Variants in NASP observed in about 807,000 individuals in gnomAD.
NASP encodes nuclear autoantigenic sperm protein.
A neutral mutation model predicts 89.5 loss-of-function variants in NASP; 24 were observed. The ratio of observed to expected loss-of-function variants is 0.27; its 90% CI spans 0.19 to 0.38. NASP has a LOEUF of 0.38. NASP is among the 10% of genes least tolerant of loss of function. The probability of loss-of-function intolerance (pLI) is 1.00; values close to 1 mark genes in which losing one functional copy is unlikely to be tolerated. For missense variants in NASP, 848 were observed against 921.4 expected, an observed-to-expected ratio of 0.92 and a Z score of 1.03; for synonymous variants, 306 against 324.7, an observed-to-expected ratio of 0.94 and a Z score of 0.62.
chr1:45,589,282 C>T (rs1643455174), intron 1 of NASP, among the ~76,000 whole-genome samples: 1 of 152,098 alleles, frequency 6.6e-6, no homozygotes. Context: ...CATGTACCAC[C>T]ATGCCCATCT....
rs1236130693 is a variant in NASP, at chr1:45,606,519, G to A, written c.337G>A (p.Val113Met). The A allele has an allele frequency of 6.2e-7, 1 of 1,613,884 alleles. No homozygotes were observed. The highest frequency in any genetic ancestry group is 1.3e-5 in the African/African-American group (1 of 74,930). ...NGVLGNALEG[V>M]HVEEEEGEKT... is the part of the protein sequence containing the mutation. ...TGTGTTGGGAAACGCCTTGGAAGGT[G>A]TGCATGTGGAAGAGGAAGAAGGAGA... Residue 113 changes from valine to methionine, a missense_variant, in exon 5 of 15, where the codon GTG becomes ATG. Coordinates refer to ENST00000350030, the MANE Select transcript of NASP (RefSeq NM_002482.4).
intron 13 of NASP, 124 bp from the exon 14 acceptor site, chr1:45,617,339 A>G: frequency 8.8e-7 from 1 of 1,130,462 alleles, no homozygotes. Flanking sequence ...AGGGAGAGAG[A>G]CCCTTAGAGC....
At chr1:45,584,521 G>T (rs952189968) in intron 1 of NASP, among the ~76,000 whole-genome samples, 3 of 152,220 alleles carry the variant, frequency 2.0e-5, no homozygotes, top group African/African-American at 7.2e-5. Context: ...GCCGGGAGGC[G>T]GGGCCCTGGC....
intron 1 of NASP, 123 bp downstream of exon 1, chr1:45,584,328 G>A: frequency 1.2e-6 from 1 of 806,188 alleles, no homozygotes; most frequent in Non-Finnish European, 1.9e-6. Context: ...AGCAGCTGTC[G>A]CTGTTCGGGA....
At chr1:45,596,452 T>C (rs1436309867) in intron 2 of NASP, among the ~76,000 whole-genome samples, 1 of 152,210 alleles carries the variant, frequency 6.6e-6, no homozygotes, top group Non-Finnish European at 1.5e-5. Flanking sequence ...ATAAATGGAA[T>C]AATAGAATAT....
intron 9 of NASP, among the ~76,000 whole-genome samples, chr1:45,614,602 A>C (rs548190609): frequency 5.9e-5 from 9 of 152,172 alleles, no homozygotes; most frequent in African/African-American, 1.9e-4. Flanking sequence ...GCAATGGCGT[A>C]ATCTCGGCTC....
At chr1:45,598,931 CTT>C (rs1643765047) in intron 2 of NASP, among the ~76,000 whole-genome samples, 1 of 152,148 alleles carries the variant, frequency 6.6e-6, no homozygotes, top group African/African-American at 2.4e-5. Context: ...ATTATTAACA[CTT>C]AATACCAGTT....
At chr1:45,602,437 A>G in intron 3 of NASP, 72 bp downstream of exon 3, 1 of 1,417,870 alleles carries the variant, frequency 7.1e-7, no homozygotes, top group Non-Finnish European at 9.7e-7. Flanking sequence ...AAATTATTTT[A>G]TGGGGAAAAA....
chr1:45,591,999 A>G (rs775168530), intron 2 of NASP, among the ~76,000 whole-genome samples: 15 of 152,030 alleles, frequency 9.9e-5, no homozygotes, highest in Non-Finnish European at 1.6e-4. Context: ...TATTTTATTT[A>G]TTTTTTAGAC....
chr1:45,604,597 G>A (rs1643886957), intron 3 of NASP, among the ~76,000 whole-genome samples: 2 of 152,098 alleles, frequency 1.3e-5, no homozygotes, highest in African/African-American at 4.8e-5. Context: ...CATCCTCTAG[G>A]TCCCAGCCAA....
Position 45,601,653 on chromosome 1 carries a change from T to C in NASP, c.108-602T>C, listed in dbSNP as rs1041263504. On this transcript the variant is annotated intron_variant, in intron 2 of 14. Coordinates refer to ENST00000350030, the MANE Select transcript of NASP (RefSeq NM_002482.4). Reference sequence around the variant, plus strand: ...TGCAATTTGTATGAATTTATGGTTCTTTTATGATACCTTTTTTATTTGTGG... The same window carrying C: ...TGCAATTTGTATGAATTTATGGTTCCTTTATGATACCTTTTTTATTTGTGG... Among the ~76,000 whole-genome samples the C allele has an allele frequency of 3.9e-5, 6 of 152,108 alleles. No homozygotes were observed. The East Asian group carries it at 5.8e-4, about 15-fold the overall frequency.
chr1:45,614,487 T>C, intron 9 of NASP, 121 bp downstream of exon 9: 1 of 763,372 alleles, frequency 1.3e-6, no homozygotes. Flanking sequence ...CTGTAGACCC[T>C]GGAACAATGA....
At chr1:45,602,219 C>G in intron 2 of NASP, 36 bp from the exon 3 acceptor site, 1 of 1,581,258 alleles carries the variant, frequency 6.3e-7, no homozygotes, top group Non-Finnish European at 8.6e-7. Flanking sequence ...CTGATTTAAA[C>G]AGTACTTGAC....
At chr1:45,586,372 A>G (rs1161290416) in intron 1 of NASP, among the ~76,000 whole-genome samples, 1 of 150,350 alleles carries the variant, frequency 6.7e-6, no homozygotes, top group African/African-American at 2.5e-5. Flanking sequence ...AGCAGCCCCT[A>G]CCTCCTGGCC....
rs1424259777 is a variant in NASP at position 45,618,800 on chromosome 1, T to C, written c.*659T>C. 6.6e-6 allele frequency: 1 copy of C among 152,242 alleles called. No homozygotes were observed. Among genetic ancestry groups the C allele is most frequent in the African/African-American group, 2.4e-5 (1 of 41,452 alleles). The allele number at this position is 152,242 out of a possible 1,614,324, so 9.4% of individuals were successfully genotyped here. On this transcript the variant is annotated 3_prime_UTR_variant, in exon 15 of 15. Coordinates refer to ENST00000350030, the MANE Select transcript of NASP (RefSeq NM_002482.4). ...GTGGGGAGGCTGGCTGGTTGAGTTT[T>C]GTTATTTTCTGTATAGAAAGGTTGA...
At chr1:45,586,282 GT>G (rs1557646450) in intron 1 of NASP, among the ~76,000 whole-genome samples, 2 of 39,904 alleles carry the variant, frequency 5.0e-5, no homozygotes, top group African/African-American at 1.0e-4. Flanking sequence ...GTGTGTGTGT[GT>G]GGTGTGTGTG....
Position 45,596,376 on chromosome 1 carries a change from T to C in NASP, c.107+5106T>C, listed in dbSNP as rs74227032. Among the ~76,000 whole-genome samples, 85 of 152,300 alleles carry C rather than the reference T, an allele frequency of 5.6e-4. No homozygotes were observed. In the East Asian group the frequency reaches 0.013, roughly 23 times the overall value. ...AGTAAACAACTCCCTCTTTCTGTCTTCCCTAGCCCCTGGCAACCACCATTC... is the reference window on the plus strand; with the variant it reads ...AGTAAACAACTCCCTCTTTCTGTCTCCCCTAGCCCCTGGCAACCACCATTC... On this transcript the variant is annotated intron_variant, in intron 2 of 14. Coordinates refer to ENST00000350030, the MANE Select transcript of NASP (RefSeq NM_002482.4).
chr1:45,616,739 C>G, intron 13 of NASP, 36 bp downstream of exon 13: 1 of 1,572,056 alleles, frequency 6.4e-7, no homozygotes, highest in Non-Finnish European at 8.8e-7. Flanking sequence ...TCTACCGTTT[C>G]CTCAGACTCC....
Position 45,617,967 on chromosome 1 carries a change from C to A in NASP, c.2287-94C>A, listed in dbSNP as rs545538374. The A allele has an allele frequency of 7.2e-5, 81 of 1,124,932 alleles. No homozygotes were observed. The African/African-American group carries it at 1.0e-3, about 14-fold the overall frequency. The allele number at this position is 1,124,932 out of a possible 1,614,324, so 69.7% of individuals were successfully genotyped here. On this transcript the variant is annotated intron_variant, in intron 14 of 14. Transcript: ENST00000350030. ...AGGGAGCAAAGCAGAGTTTGGGTGACTTGTATATGCTTCCTATGACTGAGG... is the reference window on the plus strand; with the variant it reads ...AGGGAGCAAAGCAGAGTTTGGGTGAATTGTATATGCTTCCTATGACTGAGG...
Sources: gnomAD v4.1 joint callset for allele counts (sites outside exome capture counted in the v4.1 genomes callset) on GRCh38, gnomAD v4.1.1 for gene constraint, MANE v1.5 for transcripts, NCBI Gene and HGNC (gene_info 2026-07-23, HGNC 2026-07-21) for gene names.